The following PCDHGB1 variants were observed in gnomAD, a reference collection of about 807,000 sequenced individuals.
The protein encoded by PCDHGB1 is protocadherin gamma-B1.
In PCDHGB1, 34 loss-of-function variants were observed where a neutral mutation model predicts 56.6. The ratio of observed to expected loss-of-function variants is 0.60; its 90% confidence interval spans 0.46 to 0.80. The LOEUF (loss-of-function observed/expected upper bound fraction) is 0.80. PCDHGB1 is among the 30% of genes least tolerant of loss of function. PCDHGB1 has a pLI of 0.00. For synonymous variants in PCDHGB1, 561 were observed against 505.9 expected (o/e 1.11, Z -1.46); for missense variants, 1,278 against 1,204.6 (o/e 1.06, Z -0.90).
intron 1 of PCDHGB1, chr5:141,399,529 G>A (rs946281582): frequency 3.1e-6 from 5 of 1,613,892 alleles, no homozygotes; most frequent in Non-Finnish European, 4.2e-6. Flanking sequence ...GGCCTCCATC[G>A]CGCAAGTCTG....
intron 1 of PCDHGB1, among the ~76,000 whole-genome samples, chr5:141,467,960 C>T (rs1303642319): frequency 6.6e-6 from 1 of 151,998 alleles, no homozygotes; most frequent in Non-Finnish European, 1.5e-5. Flanking sequence ...CACCCGGCTG[C>T]CAGAAAATTT....
chr5:141,500,433 T>C (rs1398344932), intron 2 of PCDHGB1, among the ~76,000 whole-genome samples: 1 of 151,764 alleles, frequency 6.6e-6, no homozygotes, highest in East Asian at 1.9e-4. Context: ...ATGGTCTCGA[T>C]CTCCTGACCT....
At chr5:141,510,754 C>G (rs1407911674) in intron 3 of PCDHGB1, among the ~76,000 whole-genome samples, 193 bp from the exon 4 acceptor site, 3 of 152,168 alleles carry the variant, frequency 2.0e-5, no homozygotes, top group African/African-American at 7.2e-5. Flanking sequence ...GACTTTCTCA[C>G]TCCAGAGCCT....
At chr5:141,402,124 A>G (rs150020541) in intron 1 of PCDHGB1, among the ~76,000 whole-genome samples, 1 of 152,254 alleles carries the variant, frequency 6.6e-6, no homozygotes, top group East Asian at 1.9e-4. Flanking sequence ...AAAATTTCCA[A>G]CTTTAATCCT....
chr5:141,372,349 A>G lies in PCDHGB1; in HGVS notation c.2409+19680A>G, dbSNP rs373267938. ...GTCACTGTGCGTGATGGAGGACAGCAGCCTCTTTCAGCCACCGTCATGCTG... is the reference window on the plus strand; with the variant it reads ...GTCACTGTGCGTGATGGAGGACAGCGGCCTCTTTCAGCCACCGTCATGCTG... On this transcript the variant is annotated intron_variant, in intron 1 of 3. Transcript: ENST00000523390. 1.1e-5 allele frequency: 18 copies of G among 1,613,786 alleles called. No individual in the cohort carries two copies. The African/African-American group carries it at 2.4e-4, about 22-fold the overall frequency.
chr5:141,448,966 A>G (rs981772425), intron 1 of PCDHGB1, among the ~76,000 whole-genome samples: 5 of 152,118 alleles, frequency 3.3e-5, no homozygotes, highest in Non-Finnish European at 7.4e-5. Context: ...CAAACAAACA[A>G]AAAAGAACTT....
At chr5:141,384,519 G>T in intron 1 of PCDHGB1, 3 of 1,614,220 alleles carry the variant, frequency 1.9e-6, no homozygotes, top group Non-Finnish European at 2.5e-6. Context: ...GCGGGGACCC[G>T]CCTCTCAGCA....
At chr5:141,394,198 T>C in intron 1 of PCDHGB1, 1 of 1,613,874 alleles carries the variant, frequency 6.2e-7, no homozygotes, top group East Asian at 2.2e-5. Context: ...GCGTATATCC[T>C]AGAGAACAAC....
At chr5:141,408,228 G>C (rs1233027944) in intron 1 of PCDHGB1, 2 of 1,564,122 alleles carry the variant, frequency 1.3e-6, no homozygotes, top group South Asian at 2.3e-5. Flanking sequence ...GCGCAGAGGC[G>C]CCGGGCCGGC....
chr5:141,443,243 C>T (rs755331096), intron 1 of PCDHGB1, among the ~76,000 whole-genome samples: 9 of 151,618 alleles, frequency 5.9e-5, no homozygotes, highest in Non-Finnish European at 1.0e-4. Flanking sequence ...CACTTTGGGG[C>T]GCCAAGGCGG....
rs1221200737 is a variant in PCDHGB1, at chr5:141,364,170, T to G, written c.2409+11501T>G. 16 of 776,358 alleles carry G rather than the reference T, an allele frequency of 2.1e-5. No homozygotes were observed. The East Asian group carries it at 4.0e-4, about 19-fold the overall frequency. The allele number at this position is 776,358 out of a possible 1,614,324, so 48.1% of individuals were successfully genotyped here. A position where few individuals can be genotyped will look rare whatever the true frequency, so the allele number is the denominator to read the frequency against. The stretch of plus-strand genomic sequence containing the variant: ...GAAGCTGCCGCAGAGGCGACCCGAC[T>G]CTGCTCCCTCCATACTAAACACACA... On this transcript the variant is annotated intron_variant, in intron 1 of 3. Coordinates refer to ENST00000523390, the MANE Select transcript of PCDHGB1 (RefSeq NM_018922.3).
At position 141,508,909 on chromosome 5, in the gene PCDHGB1, G is replaced by A. The variant is rs545345992; in HGVS notation, c.2558-2038G>A. ...GAGGGGAGGGGGCGGGGCGGTGGCG[G>A]ATCTGGCTTCCTTTTGGAGTTAATT... is the stretch of plus-strand genomic sequence containing the variant. On this transcript the variant is annotated intron_variant, in intron 3 of 3. Coordinates refer to ENST00000523390, the MANE Select transcript of PCDHGB1 (RefSeq NM_018922.3). 2.0e-5 allele frequency among the ~76,000 whole-genome samples: 3 copies of A among 152,202 alleles called. No homozygotes were observed. The South Asian group carries it at 6.2e-4, about 32-fold the overall frequency.
Position 141,350,728 on chromosome 5 carries a change from T to A in PCDHGB1, c.468T>A (p.Asp156Glu), listed in dbSNP as rs779732402. Residue 156 changes from aspartate to glutamate, a missense_variant, in exon 1 of 4, where the codon GAT becomes GAA. By Grantham distance (45) the Asp-to-Glu change is conservative. Coordinates refer to ENST00000523390, the MANE Select transcript of PCDHGB1 (RefSeq NM_018922.3). ...AATTCTCTCTGGATTCTGCTCAAGATGCAGATGTGGAAGGCAATTCACTGA... is the reference window on the plus strand; with the variant it reads ...AATTCTCTCTGGATTCTGCTCAAGAAGCAGATGTGGAAGGCAATTCACTGA... ...GVKFSLDSAQ[D>E]ADVEGNSLKL... is the part of the protein sequence containing the mutation. 29 of 1,613,856 alleles carry A rather than the reference T, an allele frequency of 1.8e-5. No individual in the cohort carries two copies. The highest frequency in any genetic ancestry group is 2.4e-5 in the Non-Finnish European group (28 of 1,179,896).
Position 141,477,531 on chromosome 5 carries a change from C to G in PCDHGB1, c.2410-17276C>G. ...GTTTACATTGAAGAAAACAACCTCC[C>G]CGGGGCTCCAATACTAAACCTAAGT... On this transcript the variant is annotated intron_variant, in intron 1 of 3. Coordinates refer to ENST00000523390, the MANE Select transcript of PCDHGB1 (RefSeq NM_018922.3). This position sits in a 1 kb window ranked among gnomAD's most constrained non-coding sequence, Gnocchi z 4.9. The G allele has an allele frequency of 6.2e-7, 1 of 1,614,162 alleles. No homozygotes were observed. Among genetic ancestry groups the G allele is most frequent in the South Asian group, 1.1e-5 (1 of 91,086 alleles).
At position 141,351,069 on chromosome 5, in the gene PCDHGB1, T is replaced by C. The variant is rs774201056; in HGVS notation, c.809T>C (p.Ile270Thr). ...RVMATDQDEG[I>T]NAEITYAFLN... is the part of the protein sequence containing the mutation. ...ATGGCCACAGACCAGGATGAGGGCA[T>C]TAATGCAGAGATCACCTATGCCTTC... is the stretch of plus-strand genomic sequence containing the variant. The change falls in exon 1 of 4, where the codon ATT becomes ACT. Residue 270 changes from isoleucine (I) to threonine (T), a missense_variant. Physicochemically the swap from Ile to Thr is moderately conservative, Grantham distance 89. Coordinates refer to ENST00000523390, the MANE Select transcript of PCDHGB1 (RefSeq NM_018922.3). The C allele has an allele frequency of 6.2e-7, 1 of 1,614,070 alleles. No individual in the cohort carries two copies. The highest frequency in any genetic ancestry group is 8.5e-7 in the Non-Finnish European group (1 of 1,179,906).
At chr5:141,495,270 G>A (rs1428903664) in intron 2 of PCDHGB1, among the ~76,000 whole-genome samples, 1 of 152,178 alleles carries the variant, frequency 6.6e-6, no homozygotes, top group African/African-American at 2.4e-5. Context: ...GCATTTGACC[G>A]GAGGAGGCGG....
In PCDHGB1 at chr5:141,490,261, G is replaced by T; in HGVS notation, c.2410-4546G>T. 6.2e-7 allele frequency: 1 copy of T among 1,614,218 alleles called. No individual in the cohort carries two copies. Among genetic ancestry groups the T allele is most frequent in the Non-Finnish European group, 8.5e-7 (1 of 1,180,038 alleles). ...CCACTGTGTGATTCAAGTGGATGTG[G>T]GGGATGTCAATGACAATGCCCCAGA... On this transcript the variant is annotated intron_variant, in intron 1 of 3. Coordinates refer to ENST00000523390, the MANE Select transcript of PCDHGB1 (RefSeq NM_018922.3). The surrounding 1 kb of genome is among the most constrained non-coding windows in gnomAD (Gnocchi z 5.4).
At chr5:141,394,268 C>G in intron 1 of PCDHGB1, 1 of 1,613,946 alleles carries the variant, frequency 6.2e-7, no homozygotes, top group African/African-American at 1.3e-5. Flanking sequence ...AGGAGAATGC[C>G]CAGGTCACTT....
At chr5:141,372,559 C>T in intron 1 of PCDHGB1, 1 of 1,614,048 alleles carries the variant, frequency 6.2e-7, no homozygotes, top group Non-Finnish European at 8.5e-7. Context: ...TCCAGACCCG[C>T]CACTGAGGGC....
Sources: allele counts gnomAD v4.1 joint callset (sites outside exome capture counted in the v4.1 genomes callset), GRCh38; gene constraint gnomAD v4.1.1; non-coding constraint Gnocchi (gnomAD v3.1); transcripts MANE v1.5; gene names NCBI Gene and HGNC (gene_info 2026-07-23, HGNC 2026-07-21).